Variants in ANKS1B observed in about 807,000 individuals in gnomAD.
ANKS1B encodes ankyrin repeat and sterile alpha motif domain-containing protein 1B.
In ANKS1B, 36 loss-of-function variants were observed where a neutral mutation model predicts 148.3. The ratio of observed to expected loss-of-function variants is 0.24; its 90% CI spans 0.19 to 0.32. The LOEUF is 0.32. Ranked by LOEUF, ANKS1B falls within the 10% of genes least tolerant of loss-of-function variation. The pLI, the probability that ANKS1B is intolerant of heterozygous loss-of-function variation, is 1.00. For synonymous variants in ANKS1B, 542 were observed against 560.8 expected, an observed-to-expected ratio of 0.97 and a Z score of 0.47; for missense variants, 1,157 against 1,542.6, an observed-to-expected ratio of 0.75 and a Z score of 4.19.
intron 5 of ANKS1B, 65 bp from the exon 6 acceptor site, chr12:99,780,037 T>A: frequency 8.8e-7 from 1 of 1,130,146 alleles, no homozygotes; most frequent in Non-Finnish European, 1.3e-6. Flanking sequence ...ATACTATCAC[T>A]ATCTAACTGC....
At chr12:99,011,105 AC>A (rs2099939143) in intron 17 of ANKS1B, among the ~76,000 whole-genome samples, 1 of 151,112 alleles carries the variant, frequency 6.6e-6, no homozygotes, top group Non-Finnish European at 1.5e-5. Context: ...GCTCACCTTC[AC>A]CTCCCACCCT....
chr12:98,943,533 T>C (rs1216762106), intron 17 of ANKS1B, among the ~76,000 whole-genome samples: 1 of 152,182 alleles, frequency 6.6e-6, no homozygotes, highest in Non-Finnish European at 1.5e-5. Context: ...GTTTCATCTG[T>C]AGAAGGGGGG....
Position 99,951,395 on chromosome 12 carries a change from A to G in ANKS1B, c.134+32709T>C, listed in dbSNP as rs182332478. ...GTATCAGGCAACCTGTAGCTATAAT[A>G]AGGCTTCATAATAAACCATCCTAAA... On this transcript the variant is annotated intron_variant, in intron 1 of 26. Transcript: ENST00000683438. 3.3e-5 allele frequency among the ~76,000 whole-genome samples: 5 copies of G among 152,298 alleles called. No homozygotes were observed. In the East Asian group the frequency reaches 9.6e-4, roughly 29 times the overall value.
intron 15 of ANKS1B, among the ~76,000 whole-genome samples, chr12:99,093,772 C>T (rs1436252479): frequency 6.6e-6 from 1 of 152,058 alleles, no homozygotes; most frequent in East Asian, 1.9e-4. Context: ...CAGACATCCC[C>T]AGATTTAAGG....
intron 14 of ANKS1B, among the ~76,000 whole-genome samples, chr12:99,172,030 G>C (rs1401449362): frequency 1.3e-5 from 2 of 152,154 alleles, no homozygotes; most frequent in Non-Finnish European, 1.5e-5. Flanking sequence ...GGCTTGGATA[G>C]AGAGCTTATA....
At chr12:99,462,781 C>G (rs146964316) in intron 10 of ANKS1B, among the ~76,000 whole-genome samples, 223 of 152,312 alleles carry the variant, frequency 1.5e-3, no homozygotes, top group African/African-American at 5.0e-3. Flanking sequence ...ATGGATCCCT[C>G]ATGAATGGCC....
intron 19 of ANKS1B, among the ~76,000 whole-genome samples, chr12:98,816,534 C>T (rs1371610361): frequency 6.6e-6 from 1 of 152,148 alleles, no homozygotes; most frequent in Non-Finnish European, 1.5e-5. Flanking sequence ...TTATAGGATC[C>T]CCTCGCCTCG....
intron 17 of ANKS1B, among the ~76,000 whole-genome samples, chr12:98,979,434 AT>A (rs1359412425): frequency 4.7e-5 from 7 of 147,524 alleles, no homozygotes; most frequent in Admixed American, 6.8e-5. Flanking sequence ...TGCCCAGCTA[AT>A]TTTTTTTTTG....
intron 25 of ANKS1B, among the ~76,000 whole-genome samples, chr12:98,767,222 T>C (rs980594143): frequency 1.3e-5 from 2 of 152,084 alleles, no homozygotes; most frequent in Non-Finnish European, 2.9e-5. Context: ...GACCACGTGG[T>C]TGATGCTAGT....
Position 99,085,422 on chromosome 12 carries a change from T to C in ANKS1B, c.2527-399A>G, listed in dbSNP as rs115713085. 3.7e-3 allele frequency among the ~76,000 whole-genome samples: 566 copies of C among 152,034 alleles called. 3 individuals are homozygous for C. Among genetic ancestry groups the C allele is most frequent in the African/African-American group, 0.013 (549 of 41,524 alleles). On this transcript the variant is annotated intron_variant, in intron 15 of 26. Coordinates refer to ENST00000683438, the MANE Select transcript of ANKS1B (RefSeq NM_001352186.2). The stretch of plus-strand genomic sequence containing the variant: ...GTTTCTGTAAAAATGTGAATGCTTC[T>C]AGTAAGAGTTGCCATTTAAGATTAT...
chr12:98,931,934 C>A (rs1319384370), intron 17 of ANKS1B, among the ~76,000 whole-genome samples: 1 of 152,166 alleles, frequency 6.6e-6, no homozygotes, highest in Non-Finnish European at 1.5e-5. Context: ...GGAAGGAACA[C>A]ACCTGTGCAT....
intron 14 of ANKS1B, among the ~76,000 whole-genome samples, chr12:99,209,625 A>G (rs2083094037): frequency 2.0e-5 from 3 of 152,184 alleles, no homozygotes; most frequent in African/African-American, 7.2e-5. Context: ...CAATATTGTA[A>G]CCAGAGACAT....
In ANKS1B at chr12:98,971,388, C is replaced by G. The variant is rs201818099; in HGVS notation, c.2778+81769G>C. Among the ~76,000 whole-genome samples, 3 of 152,158 alleles carry G rather than the reference C, an allele frequency of 2.0e-5. No homozygotes were observed. In the East Asian group the frequency reaches 5.8e-4, roughly 29 times the overall value. On this transcript the variant is annotated intron_variant, in intron 17 of 26. Coordinates refer to ENST00000683438, the MANE Select transcript of ANKS1B (RefSeq NM_001352186.2). ...TTTTTTAAAGTAACAACAAAAGAGA[C>G]AGATAACCACAAAGAAAAGGCCACT...
At position 99,126,495 on chromosome 12, in the gene ANKS1B, C is replaced by G. The variant is rs1004042952; in HGVS notation, c.2526+27794G>C. ...TTCTTTCATATAGAAATAATAGAGT[C>G]TCCCCCTCCCCCCACCTTACCCTGC... On this transcript the variant is annotated intron_variant, in intron 15 of 26. Coordinates refer to ENST00000683438, the MANE Select transcript of ANKS1B (RefSeq NM_001352186.2). 2.6e-5 allele frequency among the ~76,000 whole-genome samples: 4 copies of G among 152,166 alleles called. No individual in the cohort carries two copies. In the East Asian group the frequency reaches 7.7e-4, roughly 29 times the overall value.
At chr12:99,717,033 C>A (rs957786172) in intron 8 of ANKS1B, among the ~76,000 whole-genome samples, 3 of 152,170 alleles carry the variant, frequency 2.0e-5, no homozygotes, top group Non-Finnish European at 4.4e-5. Flanking sequence ...AAAGTTAATG[C>A]TCCTTTTTCT....
At chr12:99,083,707 T>C (rs577465373) in intron 16 of ANKS1B, 1 of 152,350 alleles carries the variant, frequency 6.6e-6, no homozygotes, top group East Asian at 1.9e-4. Flanking sequence ...TTTGCATTGT[T>C]GTACAAATCC....
rs370974186 is a variant in ANKS1B, at chr12:98,895,171, C to T, written c.2779-63035G>A. 1,874 of 984,960 alleles carry T rather than the reference C, an allele frequency of 1.9e-3. 4 individuals carry two copies. The highest frequency in any genetic ancestry group is 8.7e-3 in the South Asian group (186 of 21,280). The allele number at this position is 984,960 out of a possible 1,614,324, so 61.0% of individuals were successfully genotyped here. On this transcript the variant is annotated intron_variant, in intron 17 of 26. Coordinates refer to ENST00000683438, the MANE Select transcript of ANKS1B (RefSeq NM_001352186.2). Reference sequence around the variant, plus strand: ...CCTCACTGCGAGAGCGATGCGGGCCCAGGCGCGGCGCGCGGGGGCTGCAGG... The same window carrying T: ...CCTCACTGCGAGAGCGATGCGGGCCTAGGCGCGGCGCGCGGGGGCTGCAGG...
chr12:99,914,127 T>C (rs998959979), intron 1 of ANKS1B, among the ~76,000 whole-genome samples: 6 of 152,170 alleles, frequency 3.9e-5, no homozygotes, highest in Non-Finnish European at 7.3e-5. Context: ...ACACTACCCA[T>C]GCCTAAGTCC....
intron 9 of ANKS1B, among the ~76,000 whole-genome samples, chr12:99,617,875 T>C (rs1228761452): frequency 6.6e-6 from 1 of 152,004 alleles, no homozygotes; most frequent in Non-Finnish European, 1.5e-5. Flanking sequence ...TACAATCAGG[T>C]AGGCATATAC....
Sources: allele counts gnomAD v4.1 joint callset (sites outside exome capture counted in the v4.1 genomes callset), GRCh38; gene constraint gnomAD v4.1.1; transcripts MANE v1.5; gene names NCBI Gene and HGNC (gene_info 2026-07-23, HGNC 2026-07-21).